SGIP1: variants seen among roughly 807,000 people sequenced by gnomAD.
SGIP1 encodes the protein SH3GL interacting endocytic adaptor 1.
Under a neutral mutation model 107.5 loss-of-function variants are expected in SGIP1, and 38 were observed. The observed-to-expected ratio is 0.35, with a 90% CI of 0.27 to 0.46. The LOEUF (loss-of-function observed/expected upper bound fraction) is 0.46. SGIP1 is among the 20% of genes least tolerant of loss of function. The probability of loss-of-function intolerance (pLI) is 1.00; values close to 1 mark genes in which losing one functional copy is unlikely to be tolerated. For synonymous variants in SGIP1, 365 were observed against 366.1 expected (o/e 1.00, Z 0.03); for missense variants, 929 against 1,019.5 (o/e 0.91, Z 1.21).
chr1:66,554,527 G>A (rs767939211), intron 1 of SGIP1, among the ~76,000 whole-genome samples: 2 of 152,002 alleles, frequency 1.3e-5, no homozygotes, highest in Non-Finnish European at 2.9e-5. Flanking sequence ...GCCATAAGTG[G>A]AAAAGTCCAC....
chr1:66,706,141 T>A (rs1472484193), intron 18 of SGIP1, among the ~76,000 whole-genome samples: 1 of 151,764 alleles, frequency 6.6e-6, no homozygotes, highest in Non-Finnish European at 1.5e-5. Flanking sequence ...GGTTCACAAT[T>A]TATTTCTTTT....
At chr1:66,599,814 C>T (rs1007892067) in intron 1 of SGIP1, among the ~76,000 whole-genome samples, 7 of 152,176 alleles carry the variant, frequency 4.6e-5, no homozygotes, top group Non-Finnish European at 8.8e-5. Flanking sequence ...ACCCTCTCCT[C>T]GGGTTTCCTG....
intron 1 of SGIP1, chr1:66,590,613 G>C (rs2063465559): frequency 6.6e-6 from 1 of 152,028 alleles, no homozygotes; most frequent in Non-Finnish European, 1.5e-5. Context: ...GTAGGTAAAT[G>C]AATAAACCCC....
chr1:66,684,020 A>G lies in SGIP1; in HGVS notation c.1315+1651A>G, dbSNP rs566084207. 7 of 1,525,046 alleles carry G rather than the reference A, an allele frequency of 4.6e-6. No individual in the cohort carries two copies. The South Asian group carries it at 8.7e-5, about 19-fold the overall frequency. 94.5% of individuals were successfully genotyped at this position (1,525,046 alleles called of 1,614,324 possible). A position where few individuals can be genotyped will look rare whatever the true frequency, so the allele number is the denominator to read the frequency against. ...GCTTGAGCTACCGCGCCCAGCCCTA[A>G]ATGCTTTTTGGCCCTAAATGCTTTT... On this transcript the variant is annotated intron_variant, in intron 15 of 24. Transcript: ENST00000371037.
At chr1:66,724,358 C>T (rs1315971637) in intron 19 of SGIP1, among the ~76,000 whole-genome samples, 2 of 152,146 alleles carry the variant, frequency 1.3e-5, no homozygotes, top group African/African-American at 2.4e-5. Context: ...TTCAAACTCA[C>T]ATGAAATGTA....
At chr1:66,652,002 A>AT (rs1439497492) in intron 7 of SGIP1, among the ~76,000 whole-genome samples, 107 of 152,290 alleles carry the variant, frequency 7.0e-4, no homozygotes, top group African/African-American at 2.1e-3. Context: ...TAGCAGCACT[A>AT]TTAAGCAATC....
At chr1:66,579,972 G>A (rs2061591772) in intron 1 of SGIP1, among the ~76,000 whole-genome samples, 1 of 152,002 alleles carries the variant, frequency 6.6e-6, no homozygotes, top group Non-Finnish European at 1.5e-5. Flanking sequence ...ATATGTCTCA[G>A]ATATAATCAC....
intron 17 of SGIP1, among the ~76,000 whole-genome samples, chr1:66,691,612 T>G (rs933219337): frequency 6.8e-6 from 1 of 146,702 alleles, no homozygotes; most frequent in Non-Finnish European, 1.5e-5. Context: ...CATTTCCCTC[T>G]GTTTTGTTTG....
intron 1 of SGIP1, among the ~76,000 whole-genome samples, chr1:66,581,674 G>T (rs2061844597): frequency 6.6e-6 from 1 of 151,954 alleles, no homozygotes; most frequent in African/African-American, 2.4e-5. Flanking sequence ...AGCTCAAGAT[G>T]AGTTATTGTA....
chr1:66,534,194 G>A lies in SGIP1; in HGVS notation c.-165G>A. The A allele has an allele frequency of 1.5e-6, 1 of 669,606 alleles. No individual in the cohort carries two copies. Among genetic ancestry groups the A allele is most frequent in the Non-Finnish European group, 2.7e-6 (1 of 374,764 alleles). 41.5% of individuals were successfully genotyped at this position (669,606 alleles called of 1,614,324 possible). On this transcript the variant is annotated 5_prime_UTR_variant, in exon 1 of 25. Coordinates refer to ENST00000371037, the MANE Select transcript of SGIP1 (RefSeq NM_032291.4). ...GCCTGTAGGTGAAGAAGCACCAGCA[G>A]CATCCATGGCCTGTCTTTTGGCTTA... is the stretch of plus-strand genomic sequence containing the variant.
In SGIP1 at chr1:66,573,486, T is replaced by G. The variant is rs12755661; in HGVS notation, c.10+39118T>G. On this transcript the variant is annotated intron_variant, in intron 1 of 24. Transcript: ENST00000371037. ...ATGTTTATTGCAGCACTATTCACAA[T>G]AGCAAAGACATGGAATCAACCTAAA... is the stretch of plus-strand genomic sequence containing the variant. Among the ~76,000 whole-genome samples the G allele has an allele frequency of 2.7e-3, 413 of 152,166 alleles. 1 individual carries two copies. Among genetic ancestry groups the G allele is most frequent in the Middle Eastern group, 6.8e-3 (2 of 294 alleles).
At chr1:66,685,692 C>G (rs772676656) in intron 15 of SGIP1, among the ~76,000 whole-genome samples, 1 of 152,184 alleles carries the variant, frequency 6.6e-6, no homozygotes, top group Non-Finnish European at 1.5e-5. Flanking sequence ...ATGTCCAATA[C>G]AGTAGTACCT....
chr1:66,702,458 G>A (rs908268711), intron 18 of SGIP1, among the ~76,000 whole-genome samples: 1 of 152,112 alleles, frequency 6.6e-6, no homozygotes, highest in African/African-American at 2.4e-5. Flanking sequence ...CACCTGGCAG[G>A]ATAATTAGGA....
chr1:66,739,893 G>T (rs2150740827), intron 22 of SGIP1, among the ~76,000 whole-genome samples: 1 of 152,290 alleles, frequency 6.6e-6, no homozygotes, highest in East Asian at 1.9e-4. Flanking sequence ...GGACCAGCAA[G>T]CTCCTATTGG....
chr1:66,724,064 G>A (rs1192037505), intron 19 of SGIP1, among the ~76,000 whole-genome samples: 1 of 152,194 alleles, frequency 6.6e-6, no homozygotes, highest in Non-Finnish European at 1.5e-5. Flanking sequence ...CATCTACACA[G>A]ATGTACACTG....
chr1:66,603,649 CA>C (rs1210119314), intron 1 of SGIP1, among the ~76,000 whole-genome samples: 1 of 152,072 alleles, frequency 6.6e-6, no homozygotes, highest in African/African-American at 2.4e-5. Context: ...TATAAATTCT[CA>C]GGGTAGAAAG....
At chr1:66,569,959 T>C (rs12751879) in intron 1 of SGIP1, among the ~76,000 whole-genome samples, 23,316 of 151,768 alleles carry the variant, frequency 0.15, 2,350 homozygotes, top group East Asian at 0.45. Flanking sequence ...ACAGATTTTG[T>C]CTTTCAAGGA....
At position 66,750,635 on chromosome 1, in the gene SGIP1, T is replaced by C. The variant is rs1484955144; in HGVS notation, c.*7540T>C. Among the ~76,000 whole-genome samples the C allele has an allele frequency of 6.6e-6, 1 of 152,230 alleles. No homozygotes were observed. Among genetic ancestry groups the C allele is most frequent in the Non-Finnish European group, 1.5e-5 (1 of 68,032 alleles). On this transcript the variant is annotated 3_prime_UTR_variant, in exon 25 of 25. Coordinates refer to ENST00000371037, the MANE Select transcript of SGIP1 (RefSeq NM_032291.4). The stretch of plus-strand genomic sequence containing the variant: ...ATACTTTCAAAATTTAGTCAAAATG[T>C]TGATTCCCAGCCTTTTTCCTACACG...
At position 66,682,735 on chromosome 1, in the gene SGIP1, C is replaced by T. The variant is rs146095485; in HGVS notation, c.1315+366C>T. ...CATGTTAAATGTCTGATTTCCTTGT[C>T]GGATGCCCCCACAAGGACACTAGGT... is the stretch of plus-strand genomic sequence containing the variant. On this transcript the variant is annotated intron_variant, in intron 15 of 24. Coordinates refer to ENST00000371037, the MANE Select transcript of SGIP1 (RefSeq NM_032291.4). Among the ~76,000 whole-genome samples, 54 of 151,322 alleles carry T rather than the reference C, an allele frequency of 3.6e-4. No homozygotes were observed. In the East Asian group the frequency reaches 9.0e-3, roughly 25 times the overall value.
Sources: gnomAD v4.1 joint callset for allele counts (sites outside exome capture counted in the v4.1 genomes callset) on GRCh38, gnomAD v4.1.1 for gene constraint, MANE v1.5 for transcripts, NCBI Gene and HGNC (gene_info 2026-07-23, HGNC 2026-07-21) for gene names.